The following VPS13C variants were observed in gnomAD, a reference collection of about 807,000 sequenced individuals.
VPS13C encodes the protein vacuolar protein sorting 13 homolog C.
In VPS13C, 358 loss-of-function variants were observed where a neutral mutation model predicts 456.8. That is an observed-to-expected ratio of 0.78 (90% CI 0.72 to 0.86). The LOEUF (loss-of-function observed/expected upper bound fraction) is 0.86, where lower values mean the gene tolerates loss of function less well. VPS13C is among the 40% of genes least tolerant of loss of function. VPS13C has a pLI of 0.00. For synonymous variants in VPS13C, 1,578 were observed against 1,486.7 expected, an observed-to-expected ratio of 1.06 and a Z score of -1.41; for missense variants, 4,818 against 4,385.4, an observed-to-expected ratio of 1.10 and a Z score of -2.79.
At position 61,909,130 on chromosome 15, in the gene VPS13C, T is replaced by C. The variant is rs574539711; in HGVS notation, c.8845-5A>G. 19 of 1,587,108 alleles carry C rather than the reference T, an allele frequency of 1.2e-5. No individual in the cohort carries two copies. The South Asian group carries it at 1.9e-4, about 16-fold the overall frequency. On this transcript the variant is annotated splice_region_variant and splice_polypyrimidine_tract_variant and intron_variant, in intron 64 of 84. Transcript: ENST00000644861. Reference sequence around the variant, plus strand: ...ATCCACCAAGATACCCCCATTCTATTGTAGAAAAAAAAAAAGTATGTTTGA... The same window carrying C: ...ATCCACCAAGATACCCCCATTCTATCGTAGAAAAAAAAAAAGTATGTTTGA...
At chr15:61,936,782 G>A (rs775696826) in intron 47 of VPS13C, 32 bp from the exon 48 acceptor site, 3 of 1,564,524 alleles carry the variant, frequency 1.9e-6, no homozygotes, top group South Asian at 1.2e-5. Flanking sequence ...TTAACTCTAA[G>A]TAATAAAAAA....
chr15:62,044,002 C>G (rs765891891), intron 2 of VPS13C, among the ~76,000 whole-genome samples: 15 of 152,104 alleles, frequency 9.9e-5, no homozygotes, highest in Non-Finnish European at 2.2e-4. Context: ...GAAAAACACT[C>G]CGTTTCCAAG....
At chr15:61,902,677 G>A (rs552519087) in intron 66 of VPS13C, among the ~76,000 whole-genome samples, 2 of 152,170 alleles carry the variant, frequency 1.3e-5, no homozygotes, top group African/African-American at 4.8e-5. Flanking sequence ...CAACAAACTA[G>A]GCACAGAAGG....
Position 61,945,838 on chromosome 15 carries a change from A to G in VPS13C, c.5025T>C (p.Thr1675=). ...CTCCTTCTGTGGCATCTGGATAAAG[A>G]GTCAGTTGGAACCTAAAGACTTCAT... ...LGDEVFRFQL[T]LYPDATEGEA... is the part of the protein sequence containing the mutation. Residue 1675 remains threonine, a synonymous_variant, in exon 45 of 85, where the codon ACT becomes ACC. Coordinates refer to ENST00000644861, the MANE Select transcript of VPS13C (RefSeq NM_020821.3). The G allele has an allele frequency of 1.2e-6, 2 of 1,612,708 alleles. No homozygotes were observed. Among genetic ancestry groups the G allele is most frequent in the Non-Finnish European group, 1.7e-6 (2 of 1,179,568 alleles).
intron 55 of VPS13C, among the ~76,000 whole-genome samples, chr15:61,920,906 G>A (rs544809086): frequency 9.2e-5 from 14 of 152,142 alleles, no homozygotes; most frequent in African/African-American, 3.4e-4. Flanking sequence ...TGTCTCTTAT[G>A]CATTCCTCAG....
At chr15:61,894,084 T>A (rs879807436) in intron 66 of VPS13C, among the ~76,000 whole-genome samples, 2 of 152,016 alleles carry the variant, frequency 1.3e-5, no homozygotes, top group African/African-American at 4.8e-5. Context: ...GGTGGGCGGA[T>A]TGTCTGAGGT....
At position 61,883,937 on chromosome 15, in the gene VPS13C, CAA is replaced by C. The variant is rs1896068446; in HGVS notation, c.9483+189_9483+190del. ...TGTTTCACAGTATATTATTAAATAA[CAA>C]TATATTTTAATTAAAAATATACTAA... On this transcript the variant is annotated intron_variant, in intron 68 of 84. Transcript: ENST00000644861. 2.6e-5 allele frequency among the ~76,000 whole-genome samples: 4 copies of C among 151,522 alleles called. No individual in the cohort carries two copies. The South Asian group carries it at 8.3e-4, about 32-fold the overall frequency.
rs377498591 is a variant in VPS13C at position 62,013,021 on chromosome 15, A to G, written c.825+18T>C. 313 of 1,598,182 alleles carry G rather than the reference A, an allele frequency of 2.0e-4. 1 individual carries two copies. Among genetic ancestry groups the G allele is most frequent in the South Asian group, 1.4e-3 (121 of 89,042 alleles). On this transcript the variant is annotated intron_variant, in intron 11 of 84. Transcript: ENST00000644861. ...GATGGGAGTGAAGTTAGCTCTTCCAAGTATACATTAATATTACCAAAATCT... is the reference window on the plus strand; with the variant it reads ...GATGGGAGTGAAGTTAGCTCTTCCAGGTATACATTAATATTACCAAAATCT...
chr15:61,975,548 A>C (rs534769447), intron 24 of VPS13C, among the ~76,000 whole-genome samples: 115 of 152,270 alleles, frequency 7.6e-4, no homozygotes, highest in African/African-American at 2.5e-3. Flanking sequence ...TAAAACACAC[A>C]AACTCAAAAC....
At chr15:61,971,858 G>C (rs1164163656) in intron 27 of VPS13C, among the ~76,000 whole-genome samples, 1 of 152,194 alleles carries the variant, frequency 6.6e-6, no homozygotes, top group African/African-American at 2.4e-5. Flanking sequence ...TGTACACACA[G>C]TTAAAATGTA....
chr15:62,014,647 T>C (rs913048643), intron 9 of VPS13C, among the ~76,000 whole-genome samples: 2 of 152,168 alleles, frequency 1.3e-5, no homozygotes, highest in African/African-American at 2.4e-5. Context: ...TAATAGCCAC[T>C]ATAATAGCAG....
rs570350405 is a variant in VPS13C, at chr15:61,991,870, G to GA, written c.1354-69dup. ...CTCTTCATTTTCAGGTGTAGCCTGG[G>GA]AAAAAAAAACAATGGTTCTTTTTTT... On this transcript the variant is annotated intron_variant, in intron 16 of 84. Coordinates refer to ENST00000644861, the MANE Select transcript of VPS13C (RefSeq NM_020821.3). 3,970 of 1,327,218 alleles carry GA rather than the reference G, an allele frequency of 3.0e-3. 1 individual carries two copies. The highest frequency in any genetic ancestry group is 5.4e-3 in the African/African-American group (346 of 64,432). 82.2% of individuals were successfully genotyped at this position (1,327,218 alleles called of 1,614,324 possible).
intron 16 of VPS13C, among the ~76,000 whole-genome samples, chr15:61,994,659 G>A (rs1158213476): frequency 1.8e-4 from 27 of 150,850 alleles, no homozygotes; most frequent in South Asian, 2.1e-4. Flanking sequence ...GCATGGTCTC[G>A]GCTCACTGCA....
chr15:62,060,389 AC>A lies in VPS13C; in HGVS notation c.-16del. 6.7e-7 allele frequency: 1 copy of A among 1,494,236 alleles called. No individual in the cohort carries two copies. Among genetic ancestry groups the A allele is most frequent in the Non-Finnish European group, 9.2e-7 (1 of 1,090,792 alleles). 92.6% of individuals were successfully genotyped at this position (1,494,236 alleles called of 1,614,324 possible). ...TCCAGCACCATGGTGGCGCTGAGGC[AC>A]AAGGAGAGGGAGGAGCCGGAACCGC... On this transcript the variant is annotated 5_prime_UTR_variant, in exon 1 of 85. Coordinates refer to ENST00000644861, the MANE Select transcript of VPS13C (RefSeq NM_020821.3).
chr15:62,011,640 G>C (rs2047040729), intron 12 of VPS13C, among the ~76,000 whole-genome samples: 1 of 151,924 alleles, frequency 6.6e-6, no homozygotes, highest in African/African-American at 2.4e-5. Flanking sequence ...AGCTTTGTTA[G>C]AGATCCAGTT....
intron 79 of VPS13C, among the ~76,000 whole-genome samples, chr15:61,871,187 T>C (rs1249451400): frequency 6.6e-6 from 1 of 152,170 alleles, no homozygotes; most frequent in Non-Finnish European, 1.5e-5. Context: ...TCCAAAGTCA[T>C]GAAGATTGAC....
chr15:62,027,997 G>C lies in VPS13C; in HGVS notation c.448+361C>G, dbSNP rs548770583. ...ACGTTCCAAAACCACCGCTATCAGA[G>C]AGGAACTGCTTAATTCAGAAACTAC... is the stretch of plus-strand genomic sequence containing the variant. On this transcript the variant is annotated intron_variant, in intron 6 of 84. Coordinates refer to ENST00000644861, the MANE Select transcript of VPS13C (RefSeq NM_020821.3). 2.0e-5 allele frequency among the ~76,000 whole-genome samples: 3 copies of C among 152,106 alleles called. No homozygotes were observed. The South Asian group carries it at 6.2e-4, about 32-fold the overall frequency.
At chr15:61,963,229 C>A (rs538636729) in intron 32 of VPS13C, among the ~76,000 whole-genome samples, 79 of 151,958 alleles carry the variant, frequency 5.2e-4, no homozygotes, top group African/African-American at 1.7e-3. Flanking sequence ...GGAAAAAAGC[C>A]CCTAGTTTTC....
intron 16 of VPS13C, among the ~76,000 whole-genome samples, chr15:61,999,432 A>C (rs1302400793): frequency 6.6e-6 from 1 of 151,978 alleles, no homozygotes; most frequent in East Asian, 1.9e-4. Context: ...ACAAATTTTT[A>C]ATTGTGTGGG....
Sources: allele counts gnomAD v4.1 joint callset (sites outside exome capture counted in the v4.1 genomes callset), GRCh38; gene constraint gnomAD v4.1.1; transcripts MANE v1.5; gene names NCBI Gene and HGNC (gene_info 2026-07-23, HGNC 2026-07-21).